The following MARK3 variants were observed in gnomAD, a reference collection of about 807,000 sequenced individuals.
The protein encoded by MARK3 is MAP/microtubule affinity-regulating kinase 3.
MARK3 carries 46 observed loss-of-function variants against 90.1 expected under a neutral mutation model. The observed-to-expected ratio is 0.51, with a 90% CI of 0.40 to 0.65. The LOEUF is 0.65. MARK3 is among the 30% of genes least tolerant of loss of function. MARK3 has a pLI of 0.00. For synonymous variants in MARK3, 321 were observed against 332.6 expected, an observed-to-expected ratio of 0.97 and a Z score of 0.38; for missense variants, 818 against 947.2, an observed-to-expected ratio of 0.86 and a Z score of 1.79.
chr14:103,465,986 AG>A lies in MARK3; in HGVS notation c.793del (p.Val265TyrfsTer2). On this transcript the variant is annotated frameshift_variant, in exon 9 of 18. Transcript: ENST00000429436. LOFTEE classifies it high-confidence loss of function. ...GQNLKELRERVLRGKYRIPFY... is the reference protein window; with the variant it reads ...GQNLKELRERXLRGKYRIPFY... ...CCTCTCCAAAGGAACTGAGAGAGAG[AG>A]TATTAAGAGGGAAATACAGAATTCC... 6.2e-7 allele frequency: 1 copy of A among 1,613,104 alleles called. No individual in the cohort carries two copies. The highest frequency in any genetic ancestry group is 8.5e-7 in the Non-Finnish European group (1 of 1,179,650).
intron 1 of MARK3, among the ~76,000 whole-genome samples, chr14:103,390,514 C>G (rs1340884497): frequency 6.6e-6 from 1 of 152,002 alleles, no homozygotes; most frequent in Non-Finnish European, 1.5e-5. Flanking sequence ...TTGGCTTCCC[C>G]GGGCCACATT....
chr14:103,493,240 C>CTT (rs11437791), intron 15 of MARK3, among the ~76,000 whole-genome samples: 18,841 of 122,918 alleles, frequency 0.15, 1,827 homozygotes, highest in Middle Eastern at 0.24. Context: ...GGGAGTATTC[C>CTT]TTTTTTTTTT....
At chr14:103,496,646 C>G (rs1354903505) in intron 15 of MARK3, among the ~76,000 whole-genome samples, 1 of 151,944 alleles carries the variant, frequency 6.6e-6, no homozygotes, top group South Asian at 2.1e-4. Context: ...CTCCTGACCT[C>G]AAGTGATCCG....
At chr14:103,392,574 T>C (rs1184435930) in intron 1 of MARK3, among the ~76,000 whole-genome samples, 2 of 152,164 alleles carry the variant, frequency 1.3e-5, no homozygotes, top group African/African-American at 4.8e-5. Flanking sequence ...AGTGAAGGCT[T>C]GCTAACTAAA....
intron 14 of MARK3, chr14:103,489,888 TC>T (rs2093988504): frequency 6.6e-6 from 1 of 152,210 alleles, no homozygotes; most frequent in Non-Finnish European, 1.5e-5. Context: ...TTCCAGCCAC[TC>T]TATCTTACCA....
intron 12 of MARK3, among the ~76,000 whole-genome samples, chr14:103,469,481 CTTAT>C (rs886683999): frequency 2.7e-5 from 4 of 150,858 alleles, no homozygotes; most frequent in Admixed American, 6.6e-5. Flanking sequence ...CGCGCCTGGC[CTTAT>C]TTATTTGTTT....
At chr14:103,499,944 C>A in intron 16 of MARK3, 1 of 580,840 alleles carries the variant, frequency 1.7e-6, no homozygotes. Context: ...TGGAGCTGGC[C>A]CCTGTGCACA....
rs1029093970 is a variant in MARK3, at chr14:103,499,956, C to T, written c.1872-200C>T. 20 of 601,018 alleles carry T rather than the reference C, an allele frequency of 3.3e-5. 1 individual carries two copies. Among genetic ancestry groups the T allele is most frequent in the Middle Eastern group, 5.2e-4 (2 of 3,840 alleles). The allele number at this position is 601,018 out of a possible 1,614,324, so 37.2% of individuals were successfully genotyped here. On this transcript the variant is annotated intron_variant, in intron 16 of 17. Transcript: ENST00000429436. ...GCATGGAGCTGGCCCCTGTGCACAC[C>T]CCTGCAGCCTTGTGGAAGAAGGTAG...
chr14:103,486,199 G>A (rs1032560604), intron 14 of MARK3, among the ~76,000 whole-genome samples: 1 of 152,162 alleles, frequency 6.6e-6, no homozygotes, highest in African/African-American at 2.4e-5. Context: ...AGCACTTTGG[G>A]AGGCCGAGGC....
At chr14:103,472,003 G>C (rs1044912316) in intron 12 of MARK3, among the ~76,000 whole-genome samples, 18 of 152,068 alleles carry the variant, frequency 1.2e-4, no homozygotes, top group Non-Finnish European at 2.4e-4. Flanking sequence ...GAGGTCAGGA[G>C]ATCGAGACCA....
At chr14:103,488,252 G>C (rs990210682) in intron 14 of MARK3, among the ~76,000 whole-genome samples, 2 of 151,980 alleles carry the variant, frequency 1.3e-5, no homozygotes, top group Admixed American at 6.6e-5. Flanking sequence ...CTAGAGTTAC[G>C]GTCCATCTGC....
chr14:103,419,836 C>T (rs1479280748), intron 2 of MARK3, among the ~76,000 whole-genome samples: 2 of 152,012 alleles, frequency 1.3e-5, no homozygotes, highest in Non-Finnish European at 2.9e-5. Flanking sequence ...ATCCCAAGAG[C>T]AGGGGTCTAC....
At chr14:103,479,213 G>A (rs1054990886) in intron 13 of MARK3, among the ~76,000 whole-genome samples, 2 of 151,976 alleles carry the variant, frequency 1.3e-5, no homozygotes, top group African/African-American at 4.8e-5. Context: ...TGTTGTGGTA[G>A]AGATGAGGTC....
rs146011447 is a variant in MARK3 at position 103,437,388 on chromosome 14, C to T, written c.297+8948C>T. On this transcript the variant is annotated intron_variant, in intron 3 of 17. Coordinates refer to ENST00000429436, the MANE Select transcript of MARK3 (RefSeq NM_001128918.3). ...CATCCTGGGCGACAGAGTGAGACTC[C>T]GTCTCAAAAAAAAAAAATACATTAT... Among the ~76,000 whole-genome samples the T allele has an allele frequency of 1.8e-3, 276 of 150,700 alleles. 5 individuals are homozygous for T. In the East Asian group the frequency reaches 0.026, roughly 14 times the overall value.
chr14:103,471,343 T>G (rs1363152770), intron 12 of MARK3, among the ~76,000 whole-genome samples: 1 of 152,200 alleles, frequency 6.6e-6, no homozygotes, highest in East Asian at 1.9e-4. Context: ...TTAGACATGG[T>G]ATTGTACACT....
At chr14:103,442,427 T>G (rs1013483816) in intron 3 of MARK3, among the ~76,000 whole-genome samples, 2 of 152,120 alleles carry the variant, frequency 1.3e-5, no homozygotes, top group African/African-American at 4.8e-5. Context: ...TTTAATCCCC[T>G]TTTCAGGATA....
chr14:103,431,571 A>G (rs922619062), intron 3 of MARK3, among the ~76,000 whole-genome samples: 1 of 152,204 alleles, frequency 6.6e-6, no homozygotes, highest in Non-Finnish European at 1.5e-5. Flanking sequence ...GCGACAGAAC[A>G]AGACTTTGTC....
chr14:103,435,337 T>C (rs1253231428), intron 3 of MARK3, among the ~76,000 whole-genome samples: 2 of 152,188 alleles, frequency 1.3e-5, no homozygotes, highest in Non-Finnish European at 2.9e-5. Flanking sequence ...CAGATGAGAA[T>C]GGCTCCTAGT....
chr14:103,473,007 G>GA (rs35491726), intron 12 of MARK3, among the ~76,000 whole-genome samples: 40,857 of 137,860 alleles, frequency 0.3, 6,723 homozygotes, highest in Non-Finnish European at 0.37. Flanking sequence ...ACTCCGTCTC[G>GA]AAAAAAAAAA....
Sources: gnomAD v4.1 joint callset for allele counts (sites outside exome capture counted in the v4.1 genomes callset) on GRCh38, gnomAD v4.1.1 for gene constraint, MANE v1.5 for transcripts, NCBI Gene and HGNC (gene_info 2026-07-23, HGNC 2026-07-21) for gene names.